FGF8: variants seen among roughly 807,000 people sequenced by gnomAD.
FGF8 encodes the protein androgen-induced growth factor.
A neutral mutation model predicts 29.7 loss-of-function variants in FGF8; 12 were observed. The observed-to-expected ratio is 0.40, with a 90% CI of 0.26 to 0.65. FGF8 has a LOEUF of 0.65. FGF8 is among the 30% of genes least tolerant of loss of function. FGF8 has a pLI of 0.37. For synonymous variants in FGF8, 157 were observed against 144.4 expected, an observed-to-expected ratio of 1.09 and a Z score of -0.63; for missense variants, 271 against 345.1, an observed-to-expected ratio of 0.79 and a Z score of 1.70.
chr10:101,770,681 C>A (rs3218238), intron 5 of FGF8, 62 bp from the exon 6 acceptor site: 167 of 1,576,736 alleles, frequency 1.1e-4, no homozygotes, highest in East Asian at 7.4e-4. Flanking sequence ...AGAGGGCGAG[C>A]GGCCCCAGAC....
intron 5 of FGF8, 126 bp from the exon 6 acceptor site, chr10:101,770,745 C>G: frequency 9.6e-7 from 1 of 1,045,446 alleles, no homozygotes; most frequent in Non-Finnish European, 1.4e-6. Context: ...CAGCCCCACC[C>G]CCTGCCTGGG....
At chr10:101,776,441 G>T (rs1395662199), upstream of FGF8, among the ~76,000 whole-genome samples, 1 of 151,364 alleles carries the variant, frequency 6.6e-6, no homozygotes, top group African/African-American at 2.4e-5. Context: ...GCGCTCCCCG[G>T]TCCCGGACGC....
At chr10:101,777,263 G>C (rs2065106694), upstream of FGF8, among the ~76,000 whole-genome samples, 1 of 152,146 alleles carries the variant, frequency 6.6e-6, no homozygotes, top group African/African-American at 2.4e-5. Context: ...AGCAGCCTGG[G>C]TGGACAGAGA....
At chr10:101,779,864 C>G (rs1227343464), upstream of FGF8, among the ~76,000 whole-genome samples, 1 of 152,204 alleles carries the variant, frequency 6.6e-6, no homozygotes, top group Non-Finnish European at 1.5e-5. This position sits in a 1 kb window ranked among gnomAD's most constrained non-coding sequence, Gnocchi z 5.7. Context: ...CACTCCAACT[C>G]AAGTCGTTCG....
upstream of FGF8, among the ~76,000 whole-genome samples, chr10:101,777,209 CT>C (rs911323233): frequency 6.6e-6 from 1 of 152,184 alleles, no homozygotes; most frequent in African/African-American, 2.4e-5. Flanking sequence ...GGCTTCCCCC[CT>C]GAGGTTTCTG....
rs913104070 is a variant in FGF8, at chr10:101,772,124, A to G, written c.338-555T>C. 2.2e-4 allele frequency among the ~76,000 whole-genome samples: 34 copies of G among 152,156 alleles called. No individual in the cohort carries two copies. Among genetic ancestry groups the G allele is most frequent in the African/African-American group, 6.8e-4 (28 of 41,446 alleles). ...CTTTGGCCACCCCCAGCCCCTCAAC[A>G]TCACCAGGCTCTGCTCTGCTGAGAA... On this transcript the variant is annotated intron_variant, in intron 4 of 5. Transcript: ENST00000320185. This position sits in a 1 kb window ranked among gnomAD's most constrained non-coding sequence, Gnocchi z 4.4.
At chr10:101,773,877 G>A (rs772546029) in intron 4 of FGF8, among the ~76,000 whole-genome samples, 11 of 152,070 alleles carry the variant, frequency 7.2e-5, no homozygotes, top group African/African-American at 9.7e-5. Flanking sequence ...AAAAAAGCTC[G>A]TTCTTTTTCT....
In FGF8 at chr10:101,775,943, G is replaced by A; in HGVS notation, c.-43C>T. ...CACCGAGAGCCCGGCGGGTCACGCC[G>A]TCCCGCGGGCCGCCGCGGGAGGACG... On this transcript the variant is annotated 5_prime_UTR_variant, in exon 1 of 6. It adds an upstream start codon to the 5' untranslated region. Coordinates refer to ENST00000320185, the MANE Select transcript of FGF8 (RefSeq NM_033163.5). This position sits in a 1 kb window ranked among gnomAD's most constrained non-coding sequence, Gnocchi z 4.6. The A allele has an allele frequency of 5.1e-6, 6 of 1,175,844 alleles. No homozygotes were observed. The highest frequency in any genetic ancestry group is 6.3e-6 in the Non-Finnish European group (6 of 953,526). The allele number at this position is 1,175,844 out of a possible 1,614,324, so 72.8% of individuals were successfully genotyped here.
chr10:101,774,835 G>A lies in FGF8; in HGVS notation c.234C>T (p.Arg78=). Reference sequence around the variant, plus strand: ...TGTAGAGTTGGTAGGTCCGGATGAGGCGGCGGCTGAGCTGATCCGTCACCA... The same window carrying A: ...TGTAGAGTTGGTAGGTCCGGATGAGACGGCGGCTGAGCTGATCCGTCACCA... The part of the protein sequence containing the change: ...QSLVTDQLSR[R]LIRTYQLYSR... The change falls in exon 4 of 6, where the codon CGC becomes CGT. Residue 78 remains arginine (R), a synonymous_variant. Coordinates refer to ENST00000320185, the MANE Select transcript of FGF8 (RefSeq NM_033163.5). 6.2e-7 allele frequency: 1 copy of A among 1,613,842 alleles called. No individual in the cohort carries two copies. Among genetic ancestry groups the A allele is most frequent in the Non-Finnish European group, 8.5e-7 (1 of 1,180,032 alleles).
At position 101,770,475 on chromosome 10, in the gene FGF8, G is replaced by T; in HGVS notation, c.589C>A (p.His197Asn). ...RPRKGSKTRQ[H>N]QREVHFMKRL... is the part of the protein sequence containing the mutation. The stretch of plus-strand genomic sequence containing the variant: ...TTCATGAAGTGGACCTCACGCTGGT[G>T]CTGCCGCGTCTTGGAGCCCTTGCGG... Residue 197 changes from histidine (H) to asparagine (N), a missense_variant, in exon 6 of 6, where the codon CAC becomes AAC. Physicochemically the swap from His to Asn is moderately conservative, Grantham distance 68 (BLOSUM62 1). This residue lies in a region of FGF8 where 41 missense variants were observed against 80.0 expected (regional missense o/e 0.51). Transcript: ENST00000320185. The T allele has an allele frequency of 6.2e-7, 1 of 1,613,322 alleles. No individual in the cohort carries two copies. The highest frequency in any genetic ancestry group is 1.3e-5 in the African/African-American group (1 of 75,054).
In FGF8 at chr10:101,774,757, G is replaced by A. The variant is rs144275045; in HGVS notation, c.312C>T (p.Ala104=). The change falls in exon 4 of 6, where the codon GCC becomes GCT. Residue 104 remains alanine, a synonymous_variant. Transcript: ENST00000320185. ...VQVLANKRIN[A]MAEDGDPFAK... Reference sequence around the variant, plus strand: ...CGAAGGGGTCGCCGTCCTCTGCCATGGCGTTGATGCGCTTGTTGGCCAGGA... The same window carrying A: ...CGAAGGGGTCGCCGTCCTCTGCCATAGCGTTGATGCGCTTGTTGGCCAGGA... 5.0e-6 allele frequency: 8 copies of A among 1,607,798 alleles called. No individual in the cohort carries two copies. Among genetic ancestry groups the A allele is most frequent in the East Asian group, 2.2e-5 (1 of 44,892 alleles).
At chr10:101,776,545 G>A (rs2065097401), upstream of FGF8, among the ~76,000 whole-genome samples, 1 of 151,990 alleles carries the variant, frequency 6.6e-6, no homozygotes, top group Non-Finnish European at 1.5e-5. Flanking sequence ...GAGTCTGGCG[G>A]GTCTGGGTCT....
chr10:101,775,666 G>A lies in FGF8; in HGVS notation c.69+74C>T. On this transcript the variant is annotated intron_variant, in intron 2 of 5. Coordinates refer to ENST00000320185, the MANE Select transcript of FGF8 (RefSeq NM_033163.5). The surrounding 1 kb of genome is among the most constrained non-coding windows in gnomAD (Gnocchi z 4.6). ...CGCCGGCCGCAGAGTCAGTCCCGGT[G>A]CCCCCGACCGGCGCTGCCCACCCGG... 12 of 1,497,884 alleles carry A rather than the reference G, an allele frequency of 8.0e-6. No individual in the cohort carries two copies. The highest frequency in any genetic ancestry group is 9.9e-6 in the Non-Finnish European group (11 of 1,112,230). The allele number at this position is 1,497,884 out of a possible 1,614,324, so 92.8% of individuals were successfully genotyped here. A position where few individuals can be genotyped will look rare whatever the true frequency, so the allele number is the denominator to read the frequency against.
chr10:101,775,687 C>G lies in FGF8; in HGVS notation c.69+53G>C, dbSNP rs963292794. On this transcript the variant is annotated intron_variant, in intron 2 of 5. Coordinates refer to ENST00000320185, the MANE Select transcript of FGF8 (RefSeq NM_033163.5). This position sits in a 1 kb window ranked among gnomAD's most constrained non-coding sequence, Gnocchi z 4.6. ...CGGTGCCCCCGACCGGCGCTGCCCACCCGGGTCTCACACCGGCGCGCCCGG... is the reference window on the plus strand; with the variant it reads ...CGGTGCCCCCGACCGGCGCTGCCCAGCCGGGTCTCACACCGGCGCGCCCGG... 3 of 1,534,760 alleles carry G rather than the reference C, an allele frequency of 2.0e-6. No homozygotes were observed. The East Asian group carries it at 7.4e-5, about 38-fold the overall frequency.
chr10:101,770,340 CG>C lies in FGF8; in HGVS notation c.723del (p.Glu242SerfsTer?). 1.3e-6 allele frequency: 2 copies of C among 1,595,158 alleles called. No homozygotes were observed. The highest frequency in any genetic ancestry group is 1.7e-6 in the Non-Finnish European group (2 of 1,172,302). On this transcript the variant is annotated frameshift_variant, in exon 6 of 6. Coordinates refer to ENST00000320185, the MANE Select transcript of FGF8 (RefSeq NM_033163.5). LOFTEE classifies it high-confidence loss of function. ...SLRGSQRTWA[P>X]EPR ...GGGCCAGGCAGCACCTATCGGGGCT[CG>C]GGGGCCCAAGTCCTCTGGCTGCCGC...
At chr10:101,778,874 A>G (rs2065117826), upstream of FGF8, among the ~76,000 whole-genome samples, 1 of 152,124 alleles carries the variant, frequency 6.6e-6, no homozygotes, top group African/African-American at 2.4e-5. Flanking sequence ...GGTAATTACA[A>G]TTGCTATTTT....
rs921814082 is a variant in FGF8, at chr10:101,775,750, A to C, written c.59T>G (p.Leu20Arg). 5 of 1,545,328 alleles carry C rather than the reference A, an allele frequency of 3.2e-6. No individual in the cohort carries two copies. Among genetic ancestry groups the C allele is most frequent in the Non-Finnish European group, 4.4e-6 (5 of 1,145,946 alleles). The stretch of plus-strand genomic sequence containing the variant: ...CGCACCCCTCCTCACCTGGGCTTGG[A>C]GGCAGAGGACCAGCAAGTGCAACAG... ...CLLLHLLVLC[L>R]QAQEGPGRGP... The change falls in exon 2 of 6, where the codon CTC becomes CGC. Residue 20 changes from leucine (L) to arginine (R), a missense_variant. Physicochemically the swap from Leu to Arg is moderately radical, Grantham distance 102. Around this residue, in one of 3 missense-constraint regions of FGF8, gnomAD observed 168 missense variants for 207.0 expected, o/e 0.81. Transcript: ENST00000320185. The surrounding 1 kb of genome is among the most constrained non-coding windows in gnomAD (Gnocchi z 4.6).
upstream of FGF8, among the ~76,000 whole-genome samples, chr10:101,776,789 A>T (rs1263112405): frequency 6.6e-6 from 1 of 151,348 alleles, no homozygotes; most frequent in Admixed American, 6.6e-5. Flanking sequence ...AGGCCCTGGG[A>T]GCCAGAAATG....
rs1354477289 is a variant in FGF8, at chr10:101,770,563, G to A, written c.501C>T (p.Tyr167=). The A allele has an allele frequency of 2.0e-5, 32 of 1,613,152 alleles. No homozygotes were observed. The highest frequency in any genetic ancestry group is 2.5e-5 in the Non-Finnish European group (30 of 1,179,982). ...CGTACTTGGCATTCTGCAGCGCTGT[G>A]TAGTTGTTCTCCAGCACAATCTCCG... The part of the protein sequence containing the change: ...VFTEIVLENN[Y]TALQNAKYEG... The change falls in exon 6 of 6, where the codon TAC becomes TAT. Residue 167 remains tyrosine (Y), a synonymous_variant. Coordinates refer to ENST00000320185, the MANE Select transcript of FGF8 (RefSeq NM_033163.5).
Sources: allele counts gnomAD v4.1 joint callset (sites outside exome capture counted in the v4.1 genomes callset), GRCh38; gene constraint gnomAD v4.1.1; regional missense constraint gnomAD v4.1.1; non-coding constraint Gnocchi (gnomAD v3.1); transcripts MANE v1.5; gene names NCBI Gene and HGNC (gene_info 2026-07-23, HGNC 2026-07-21).